The following NOC4L variants were observed in gnomAD, a reference collection of about 807,000 sequenced individuals.
NOC4L encodes nucleolar complex associated 4 homolog, also known as nucleolar complex protein 4 homolog.
Under a neutral mutation model 62.8 loss-of-function variants are expected in NOC4L, and 40 were observed. That is an observed-to-expected ratio of 0.64 (90% CI 0.49 to 0.83). NOC4L has a LOEUF of 0.83. Among genes scored for constraint, NOC4L ranks in the 40% least tolerant of loss-of-function variants. The pLI is 0.00. For synonymous variants in NOC4L, 433 were observed against 299.8 expected (o/e 1.44, Z -4.59); for missense variants, 927 against 701.9 (o/e 1.32, Z -3.62).
rs766039527 is a variant in NOC4L, at chr12:132,148,786, G to A, written c.792G>A (p.Leu264=). Residue 264 remains leucine, a splice_region_variant and synonymous_variant, in exon 9 of 15, where the codon CTG becomes CTA. Coordinates refer to ENST00000330579, the MANE Select transcript of NOC4L (RefSeq NM_024078.3). ...CCCACCTGCCGGCCCCCGCCCAGCT[G>A]CCCCTCAGCCTCTACAAGAAGGTGC... ...AMWLSFLKHK[L]PLSLYKKVLL... 18 of 1,255,080 alleles carry A rather than the reference G, an allele frequency of 1.4e-5. No homozygotes were observed. The highest frequency in any genetic ancestry group is 2.3e-5 in the African/African-American group (1 of 43,784). 77.7% of individuals were successfully genotyped at this position (1,255,080 alleles called of 1,614,324 possible). A position where few individuals can be genotyped will look rare whatever the true frequency, so the allele number is the denominator to read the frequency against.
chr12:132,151,191 C>A lies in NOC4L; in HGVS notation c.963-67C>A, dbSNP rs1373934735. On this transcript the variant is annotated intron_variant, in intron 10 of 14. Transcript: ENST00000330579. ...CGGGAGGAAGGGGCGCCGAGTGAGA[C>A]CCTGGCCTTGGAGGCCTCAGTTCCC... 2.0e-6 allele frequency: 3 copies of A among 1,472,306 alleles called. No homozygotes were observed. In the African/African-American group the frequency reaches 4.1e-5, roughly 20 times the overall value. The allele number at this position is 1,472,306 out of a possible 1,614,324, so 91.2% of individuals were successfully genotyped here.
At chr12:132,144,791 A>T in intron 1 of NOC4L, 63 bp from the exon 2 acceptor site, 1 of 1,556,000 alleles carries the variant, frequency 6.4e-7, no homozygotes, top group South Asian at 1.2e-5. Flanking sequence ...GGTTGGGGGC[A>T]GCCTAGGCAG....
rs760981641 is a variant in NOC4L, at chr12:132,150,967, C to CT, written c.902-13dup. The CT allele has an allele frequency of 2.5e-6, 4 of 1,597,024 alleles. No homozygotes were observed. The highest frequency in any genetic ancestry group is 3.4e-6 in the Non-Finnish European group (4 of 1,170,524). ...AGGTCACTGCAGCTCCAGCCTGTGT[C>CT]TGTCTGTCTGCAGGGGGGGCCCTCA... On this transcript the variant is annotated splice_polypyrimidine_tract_variant and intron_variant, in intron 9 of 14. Transcript: ENST00000330579.
intron 3 of NOC4L, among the ~76,000 whole-genome samples, chr12:132,147,065 A>G (rs992633171): frequency 3.3e-5 from 5 of 152,190 alleles, no homozygotes; most frequent in African/African-American, 4.8e-5. Flanking sequence ...TGTCGTGAGC[A>G]CTGGATCTCT....
rs1385980622 is a variant in NOC4L at position 132,147,267 on chromosome 12, T to C, written c.346-14T>C. ...TGAGGGCATCACAGCCACCCTGCAC[T>C]GCCCCCTTCCCAGGAGCTGGCCCTC... On this transcript the variant is annotated splice_polypyrimidine_tract_variant and intron_variant, in intron 3 of 14. Coordinates refer to ENST00000330579, the MANE Select transcript of NOC4L (RefSeq NM_024078.3). 5 of 1,513,152 alleles carry C rather than the reference T, an allele frequency of 3.3e-6. No homozygotes were observed. The Admixed American group carries it at 6.6e-5, about 20-fold the overall frequency. 93.7% of individuals were successfully genotyped at this position (1,513,152 alleles called of 1,614,324 possible).
chr12:132,146,374 C>T, intron 3 of NOC4L: 1 of 453,998 alleles, frequency 2.2e-6, no homozygotes, highest in South Asian at 1.6e-5. Context: ...TCGTAGGTTG[C>T]TGGGCATTTG....
At position 132,148,774 on chromosome 12, in the gene NOC4L, C is replaced by A. The variant is rs930724510; in HGVS notation, c.790-10C>A. Reference sequence around the variant, plus strand: ...CCGCCCCTCACCCCCACCTGCCGGCCCCCGCCCAGCTGCCCCTCAGCCTCT... The same window carrying A: ...CCGCCCCTCACCCCCACCTGCCGGCACCCGCCCAGCTGCCCCTCAGCCTCT... On this transcript the variant is annotated splice_polypyrimidine_tract_variant and intron_variant, in intron 8 of 14. Transcript: ENST00000330579. 3.3e-6 allele frequency: 5 copies of A among 1,524,156 alleles called. No homozygotes were observed. In the Admixed American group the frequency reaches 7.8e-5, roughly 24 times the overall value. 94.4% of individuals were successfully genotyped at this position (1,524,156 alleles called of 1,614,324 possible). A position where few individuals can be genotyped will look rare whatever the true frequency, so the allele number is the denominator to read the frequency against.
chr12:132,145,242 A>T (rs1366738859), intron 2 of NOC4L, among the ~76,000 whole-genome samples: 1 of 152,184 alleles, frequency 6.6e-6, no homozygotes, highest in African/African-American at 2.4e-5. Context: ...TGATCCTGAC[A>T]CGGTCGCTTA....
chr12:132,144,917 C>A lies in NOC4L; in HGVS notation c.181C>A (p.Leu61Met). 1 of 1,601,368 alleles carries A rather than the reference C, an allele frequency of 6.2e-7. No individual in the cohort carries two copies. The highest frequency in any genetic ancestry group is 8.5e-7 in the Non-Finnish European group (1 of 1,175,196). ...RTCSRLFGAL[L>M]ERGELFVGQL... is the part of the protein sequence containing the mutation. ...GTGCAGCCGTCTTTTCGGGGCCTTG[C>A]TGGAGCGGGGAGAGCTGTTTGTGGG... The change falls in exon 2 of 15, where the codon CTG (leucine) becomes ATG (methionine). Residue 61 changes from leucine (L) to methionine (M), a missense_variant. Transcript: ENST00000330579.
Position 132,151,574 on chromosome 12 carries a change from G to C in NOC4L, c.1164G>C (p.Leu388=), listed in dbSNP as rs1210743670. Residue 388 remains leucine (L), a synonymous_variant, in exon 12 of 15, where the codon CTG becomes CTC. Transcript: ENST00000330579. ...TAPPEALLMV[L]PFICNLLRRH... ...CCCCTGAGGCCCTGCTCATGGTCCT[G>C]CCTTTCATCTGTAACCTGCTGCGCC... 1.2e-6 allele frequency: 2 copies of C among 1,610,952 alleles called. No homozygotes were observed. The highest frequency in any genetic ancestry group is 1.7e-4 in the Middle Eastern group (1 of 6,058).
chr12:132,146,288 C>T (rs1043426807), intron 3 of NOC4L: 3 of 455,914 alleles, frequency 6.6e-6, no homozygotes, highest in East Asian at 6.9e-5. Context: ...TTCCACTCAT[C>T]GGCGTGTTCG....
Position 132,151,699 on chromosome 12 carries a change from G to A in NOC4L, c.1235-39G>A, listed in dbSNP as rs201097566. On this transcript the variant is annotated intron_variant, in intron 12 of 14. Transcript: ENST00000330579. The stretch of plus-strand genomic sequence containing the variant: ...TGGAGCTGGGGCGGGGGTGCCTGGT[G>A]CTGTGGACGGCAGACAAGGGCCCAC... 6.8e-5 allele frequency: 109 copies of A among 1,612,152 alleles called. No individual in the cohort carries two copies. The African/African-American group carries it at 1.3e-3, about 19-fold the overall frequency.
chr12:132,152,209 G>T lies in NOC4L; in HGVS notation c.1431+12G>T, dbSNP rs774658844. 3.7e-6 allele frequency: 6 copies of T among 1,609,972 alleles called. No homozygotes were observed. The highest frequency in any genetic ancestry group is 5.1e-6 in the Non-Finnish European group (6 of 1,178,874). On this transcript the variant is annotated intron_variant, in intron 14 of 14. Transcript: ENST00000330579. ...TCACGGCCTACGAGGTGCGGAACTG[G>T]GCCAGGGTGCGAGGGTCTGGGCCAC... is the stretch of plus-strand genomic sequence containing the variant.
In NOC4L at chr12:132,151,366, C is replaced by T. The variant is rs1369864472; in HGVS notation, c.1071C>T (p.Ser357=). ...FFHLADLFLS[S]SHLPAYLVAA... is the part of the protein sequence containing the mutation. The stretch of plus-strand genomic sequence containing the variant: ...ACCTGGCTGACCTCTTCCTGTCCTC[C>T]TCGTGAGTACCAGGGCACCTGGCTC... The change falls in exon 11 of 15, where the codon TCC becomes TCT. Residue 357 remains serine, a splice_region_variant and synonymous_variant. Coordinates refer to ENST00000330579, the MANE Select transcript of NOC4L (RefSeq NM_024078.3). The T allele has an allele frequency of 1.2e-6, 2 of 1,608,880 alleles. No individual in the cohort carries two copies. Among genetic ancestry groups the T allele is most frequent in the Non-Finnish European group, 1.7e-6 (2 of 1,179,864 alleles).
At chr12:132,148,582 G>A (rs1483371138) in intron 7 of NOC4L, 27 bp from the exon 8 acceptor site, 4 of 1,549,260 alleles carry the variant, frequency 2.6e-6, no homozygotes, top group Non-Finnish European at 3.5e-6. Flanking sequence ...GGGGAGGGCG[G>A]CGAGTGCAGT....
chr12:132,150,576 CCTCG>C (rs1334283552), intron 9 of NOC4L, among the ~76,000 whole-genome samples: 91 of 718 alleles, frequency 0.13, 40 homozygotes, highest in African/African-American at 0.3. Flanking sequence ...AGTGCCGCCG[CCTCG>C]CTCATACCAC....
rs138057292 is a variant in NOC4L at position 132,151,358 on chromosome 12, C to T, written c.1063C>T (p.Leu355=). ...CTTCTTCCACCTGGCTGACCTCTTC[C>T]TGTCCTCCTCGTGAGTACCAGGGCA... is the stretch of plus-strand genomic sequence containing the variant. ...ARFFHLADLF[L]SSSHLPAYLV... The change falls in exon 11 of 15, where the codon CTG becomes TTG. Residue 355 remains leucine (L), a synonymous_variant. Coordinates refer to ENST00000330579, the MANE Select transcript of NOC4L (RefSeq NM_024078.3). 30 of 1,609,848 alleles carry T rather than the reference C, an allele frequency of 1.9e-5. No individual in the cohort carries two copies. Among genetic ancestry groups the T allele is most frequent in the East Asian group, 1.6e-4 (7 of 44,882 alleles).
chr12:132,146,386 G>A (rs1490767328), intron 3 of NOC4L: 20 of 452,478 alleles, frequency 4.4e-5, no homozygotes, highest in South Asian at 1.6e-5. Flanking sequence ...GGGCATTTGC[G>A]TCGTTTCCAC....
In NOC4L at chr12:132,146,488, T is replaced by C. The variant is rs180976099; in HGVS notation, c.346-793T>C. 7.5e-6 allele frequency: 3 copies of C among 400,392 alleles called. No homozygotes were observed. The Admixed American group carries it at 7.9e-5, about 11-fold the overall frequency. The allele number at this position is 400,392 out of a possible 1,614,324, so 24.8% of individuals were successfully genotyped here. A position where few individuals can be genotyped will look rare whatever the true frequency, so the allele number is the denominator to read the frequency against. On this transcript the variant is annotated intron_variant, in intron 3 of 14. Transcript: ENST00000330579. ...CTTGAATATGCCTTATCAGTGGAAT[T>C]ACAAGGCCACACAGCAGCTGTGTTT...
Sources: gnomAD v4.1 joint callset for allele counts (sites outside exome capture counted in the v4.1 genomes callset) on GRCh38, gnomAD v4.1.1 for gene constraint, MANE v1.5 for transcripts, NCBI Gene and HGNC (gene_info 2026-07-23, HGNC 2026-07-21) for gene names.